Variants in MARCHF10 observed in about 807,000 individuals in gnomAD.
MARCHF10 encodes the protein membrane associated ring-CH-type finger 10.
A neutral mutation model predicts 76.2 loss-of-function variants in MARCHF10; 64 were observed. That is an observed-to-expected ratio of 0.84 (90% CI 0.69 to 1.03). The LOEUF (loss-of-function observed/expected upper bound fraction) is 1.03. MARCHF10 is among the 50% of genes least tolerant of loss of function. The probability of loss-of-function intolerance (pLI) is 0.00; values close to 1 mark genes in which losing one functional copy is unlikely to be tolerated. For synonymous variants in MARCHF10, 340 were observed against 357.5 expected, an observed-to-expected ratio of 0.95 and a Z score of 0.55; for missense variants, 875 against 958.0, an observed-to-expected ratio of 0.91 and a Z score of 1.14.
At chr17:62,708,640 G>A (rs1002844861) in intron 9 of MARCHF10, among the ~76,000 whole-genome samples, 1 of 152,206 alleles carries the variant, frequency 6.6e-6, no homozygotes, top group Non-Finnish European at 1.5e-5. Context: ...AGGCCTGTGA[G>A]ATATAAAAGA....
intron 4 of MARCHF10, among the ~76,000 whole-genome samples, chr17:62,748,958 G>A (rs1039444079): frequency 2.0e-5 from 3 of 152,178 alleles, no homozygotes; most frequent in African/African-American, 7.2e-5. Context: ...TACAGAAAAG[G>A]AAGGGGTTTG....
chr17:62,766,800 G>A (rs542683851), intron 3 of MARCHF10, among the ~76,000 whole-genome samples: 1 of 152,304 alleles, frequency 6.6e-6, no homozygotes, highest in East Asian at 1.9e-4. Flanking sequence ...CTTTAACACC[G>A]TGCTAGGCTC....
intron 7 of MARCHF10, 86 bp downstream of exon 7, chr17:62,724,852 G>T: frequency 6.9e-7 from 1 of 1,459,514 alleles, no homozygotes; most frequent in Non-Finnish European, 9.4e-7. Context: ...AGAGTGAGCT[G>T]ATGACAAGGC....
rs531082512 is a variant in MARCHF10, at chr17:62,788,931, C to T, written c.91-332G>A. Among the ~76,000 whole-genome samples the T allele has an allele frequency of 2.6e-4, 40 of 151,368 alleles. 1 individual carries two copies. The highest frequency in any genetic ancestry group is 1.9e-4 in the East Asian group (1 of 5,134). On this transcript the variant is annotated intron_variant, in intron 2 of 10. Transcript: ENST00000311269. ...ACAAAAAATTAGCCGGGCGCGGTGG[C>T]GGGCGCCTGTAGTCCCAGCTACTCG...
intron 4 of MARCHF10, among the ~76,000 whole-genome samples, chr17:62,751,446 CCCCAGGTGTTT>C (rs2091895898): frequency 6.6e-6 from 1 of 152,040 alleles, no homozygotes; most frequent in Non-Finnish European, 1.5e-5. Flanking sequence ...TGCTCAAGAG[CCCCAGGTGTTT>C]CTCATGAATG....
At chr17:62,750,335 G>A (rs1443160928) in intron 4 of MARCHF10, 1 of 153,908 alleles carries the variant, frequency 6.5e-6, no homozygotes, top group African/African-American at 2.4e-5. Context: ...CGGGGAGGTG[G>A]AAGCGGTGCT....
chr17:62,717,433 A>T (rs548246542), intron 8 of MARCHF10, among the ~76,000 whole-genome samples: 1 of 152,316 alleles, frequency 6.6e-6, no homozygotes, highest in South Asian at 2.1e-4. Context: ...TGGAGCAATG[A>T]CTGTGCTGGA....
rs2091401800 is a variant in MARCHF10, at chr17:62,738,991, T to G, written c.536-1659A>C. Among the ~76,000 whole-genome samples, 1 of 152,208 alleles carries G rather than the reference T, an allele frequency of 6.6e-6. No homozygotes were observed. Among genetic ancestry groups the G allele is most frequent in the African/African-American group, 2.4e-5 (1 of 41,462 alleles). The stretch of plus-strand genomic sequence containing the variant: ...TTCTACGTAAGCAACTGAATTCTCC[T>G]GAAAATTTTTTAAAATAGAAAAGGG... On this transcript the variant is annotated intron_variant, in intron 5 of 10. Transcript: ENST00000311269. This position sits in a 1 kb window ranked among gnomAD's most constrained non-coding sequence, Gnocchi z 4.0.
chr17:62,705,687 C>G, intron 9 of MARCHF10, 106 bp from the exon 10 acceptor site: 1 of 1,377,770 alleles, frequency 7.3e-7, no homozygotes, highest in African/African-American at 1.4e-5. Context: ...CCTTACACCA[C>G]TTTAAAGGGG....
At position 62,749,191 on chromosome 17, in the gene MARCHF10, T is replaced by G. The variant is rs149941955; in HGVS notation, c.383-4663A>C. ...CTGTGATTGTCGACTGAAGACTTCT[T>G]AATTTGACCAGGAAAGGGAAAAAAA... is the stretch of plus-strand genomic sequence containing the variant. On this transcript the variant is annotated intron_variant, in intron 4 of 10. Coordinates refer to ENST00000311269, the MANE Select transcript of MARCHF10 (RefSeq NM_152598.4). Among the ~76,000 whole-genome samples, 160 of 124,272 alleles carry G rather than the reference T, an allele frequency of 1.3e-3. 1 individual carries two copies. Among genetic ancestry groups the G allele is most frequent in the African/African-American group, 5.0e-3 (151 of 30,094 alleles). The allele number at this position is 124,272 out of a possible 152,430, so 81.5% of individuals were successfully genotyped here.
At chr17:62,760,749 A>C (rs1182607524) in intron 3 of MARCHF10, among the ~76,000 whole-genome samples, 1 of 152,260 alleles carries the variant, frequency 6.6e-6, no homozygotes, top group Non-Finnish European at 1.5e-5. Flanking sequence ...GTACAGCCTG[A>C]TGGCTTTAGG....
At chr17:62,702,939 T>TCCTGCCCCTGTC (rs2089336985) in intron 10 of MARCHF10, among the ~76,000 whole-genome samples, 1 of 152,212 alleles carries the variant, frequency 6.6e-6, no homozygotes, top group Non-Finnish European at 1.5e-5. Context: ...CCGCCCCTGT[T>TCCTGCCCCTGTC]CCTGCCCCTG....
chr17:62,787,349 C>A (rs1178167604), intron 3 of MARCHF10, among the ~76,000 whole-genome samples: 1 of 151,890 alleles, frequency 6.6e-6, no homozygotes, highest in Non-Finnish European at 1.5e-5. Flanking sequence ...GAAATCTCAA[C>A]AAGAACTTGA....
intron 4 of MARCHF10, among the ~76,000 whole-genome samples, chr17:62,752,222 T>A (rs920302651): frequency 6.6e-6 from 1 of 152,104 alleles, no homozygotes; most frequent in Admixed American, 6.5e-5. Context: ...ACAGTTGTTA[T>A]CTCCCAAAGT....
intron 8 of MARCHF10, among the ~76,000 whole-genome samples, chr17:62,717,983 A>G (rs917465457): frequency 6.6e-5 from 10 of 152,168 alleles, no homozygotes; most frequent in Admixed American, 3.3e-4. Flanking sequence ...TAGTTCACTG[A>G]TGGACTCTAG....
intron 3 of MARCHF10, among the ~76,000 whole-genome samples, chr17:62,775,515 G>GT (rs977807736): frequency 3.3e-5 from 5 of 151,648 alleles, no homozygotes; most frequent in African/African-American, 9.7e-5. Context: ...CTCGGGGGGG[G>GT]GCGTGGCTTA....
chr17:62,795,103 G>A, intron 2 of MARCHF10: 1 of 976,126 alleles, frequency 1.0e-6, no homozygotes, highest in Non-Finnish European at 1.2e-6. Flanking sequence ...AGCTCCCTGA[G>A]TGGACAACTC....
intron 3 of MARCHF10, among the ~76,000 whole-genome samples, chr17:62,779,633 A>G (rs1020433833): frequency 1.3e-5 from 2 of 152,254 alleles, no homozygotes; most frequent in East Asian, 3.9e-4. Flanking sequence ...GAGCCGCAGT[A>G]TGCAAAGCAT....
intron 2 of MARCHF10, among the ~76,000 whole-genome samples, chr17:62,794,808 A>G (rs2092956263): frequency 6.6e-6 from 1 of 152,056 alleles, no homozygotes; most frequent in South Asian, 2.1e-4. Flanking sequence ...GGGAGTTGCC[A>G]CTTCCTTCAG....
Sources: gnomAD v4.1 joint callset for allele counts (sites outside exome capture counted in the v4.1 genomes callset) on GRCh38, gnomAD v4.1.1 for gene constraint, Gnocchi (gnomAD v3.1) non-coding constraint, MANE v1.5 for transcripts, NCBI Gene and HGNC (gene_info 2026-07-23, HGNC 2026-07-21) for gene names.